PPM1A: variants seen among roughly 807,000 people sequenced by gnomAD.
The protein encoded by PPM1A is protein phosphatase, Mg2+/Mn2+ dependent 1A.
PPM1A carries 7 observed loss-of-function variants against 35.0 expected under a neutral mutation model. The observed-to-expected ratio is 0.20, with a 90% CI of 0.11 to 0.38. The LOEUF (loss-of-function observed/expected upper bound fraction) is 0.38, where lower values mean the gene tolerates loss of function less well. Among genes scored for constraint, PPM1A ranks in the 10% least tolerant of loss-of-function variants. The pLI is 1.00. For missense variants in PPM1A, 239 were observed against 467.8 expected, an observed-to-expected ratio of 0.51 and a Z score of 4.51; for synonymous variants, 153 against 167.3, an observed-to-expected ratio of 0.91 and a Z score of 0.66.
At chr14:60,274,504 G>T (rs908761899) in intron 1 of PPM1A, among the ~76,000 whole-genome samples, 12 of 151,650 alleles carry the variant, frequency 7.9e-5, no homozygotes, top group African/African-American at 2.7e-4. Context: ...TGATAAAAAG[G>T]AGAAAAAGGA....
At chr14:60,251,476 T>C (rs1882408791) in intron 1 of PPM1A, among the ~76,000 whole-genome samples, 1 of 152,246 alleles carries the variant, frequency 6.6e-6, no homozygotes, top group East Asian at 1.9e-4. Context: ...ACAAGGATTG[T>C]TTAGTCATGG....
upstream of PPM1A, chr14:60,249,137 G>A (rs1882001226): frequency 1.3e-6 from 1 of 758,950 alleles, no homozygotes. This position sits in a 1 kb window ranked among gnomAD's most constrained non-coding sequence, Gnocchi z 4.5. Context: ...CAGCTGTAGC[G>A]GCGGCGGAGC....
intron 1 of PPM1A, among the ~76,000 whole-genome samples, chr14:60,279,655 T>C (rs1886164069): frequency 6.6e-6 from 1 of 152,210 alleles, no homozygotes; most frequent in South Asian, 2.1e-4. Context: ...ATCGGCACTC[T>C]AGGGGAGTTC....
At chr14:60,269,333 T>G (rs1332624410) in intron 1 of PPM1A, among the ~76,000 whole-genome samples, 1 of 152,210 alleles carries the variant, frequency 6.6e-6, no homozygotes, top group Admixed American at 6.5e-5. Context: ...GAAACATGGA[T>G]AACACTACTT....
intron 1 of PPM1A, among the ~76,000 whole-genome samples, chr14:60,258,144 G>C (rs572756105): frequency 1.3e-5 from 2 of 152,010 alleles, no homozygotes; most frequent in Non-Finnish European, 2.9e-5. Flanking sequence ...CAGCCATCTA[G>C]TGTGATCTTT....
At chr14:60,284,722 CATATAT>C (rs752315572) in intron 2 of PPM1A, among the ~76,000 whole-genome samples, 1,331 of 112,422 alleles carry the variant, frequency 0.012, 9 homozygotes, top group Non-Finnish European at 0.02. Context: ...TATATATATA[CATATAT>C]ATATATATAA....
At chr14:60,286,951 A>G in intron 3 of PPM1A, 1 of 888,366 alleles carries the variant, frequency 1.1e-6, no homozygotes, top group Non-Finnish European at 1.3e-6. Context: ...ATTTATAGGT[A>G]TAGTACAATT....
At position 60,260,316 on chromosome 14, in the gene PPM1A, T is replaced by C. The variant is rs138528979; in HGVS notation, c.-21+10639T>C. The stretch of plus-strand genomic sequence containing the variant: ...GGAGGAGGGTAAGTAAATATTTAAC[T>C]GAAAAAGTGAAGTAAATATTTATTT... On this transcript the variant is annotated intron_variant, in intron 1 of 5. Transcript: ENST00000395076. Among the ~76,000 whole-genome samples the C allele has an allele frequency of 4.4e-3, 666 of 152,130 alleles. 3 individuals carry two copies. Among genetic ancestry groups the C allele is most frequent in the African/African-American group, 0.016 (644 of 41,534 alleles).
Position 60,283,477 on chromosome 14 carries a change from T to C in PPM1A, c.774T>C (p.Leu258=). 1 of 1,613,940 alleles carries C rather than the reference T, an allele frequency of 6.2e-7. No individual in the cohort carries two copies. Among genetic ancestry groups the C allele is most frequent in the Non-Finnish European group, 8.5e-7 (1 of 1,180,026 alleles). Residue 258 remains leucine (L), a synonymous_variant, in exon 2 of 6, where the codon CTT becomes CTC. Coordinates refer to ENST00000395076, the MANE Select transcript of PPM1A (RefSeq NM_021003.5). This position sits in a 1 kb window ranked among gnomAD's most constrained non-coding sequence, Gnocchi z 6.3. ...EELCDFVRSR[L]EVTDDLEKVC... ...TCTGTGATTTTGTAAGATCCAGACT[T>C]GAAGTCACTGATGACCTTGAGAAAG...
intron 1 of PPM1A, among the ~76,000 whole-genome samples, chr14:60,251,882 T>C (rs1882469516): frequency 6.6e-6 from 1 of 151,832 alleles, no homozygotes; most frequent in Non-Finnish European, 1.5e-5. Context: ...CAAAGGGTGG[T>C]TGAGACTACA....
At chr14:60,281,024 T>A (rs1886350397) in intron 1 of PPM1A, among the ~76,000 whole-genome samples, 1 of 152,178 alleles carries the variant, frequency 6.6e-6, no homozygotes, top group Non-Finnish European at 1.5e-5. Context: ...CATCTATAAA[T>A]TGGAGATAAT....
intron 1 of PPM1A, among the ~76,000 whole-genome samples, chr14:60,280,370 A>G (rs550379976): frequency 1.3e-5 from 2 of 152,328 alleles, no homozygotes; most frequent in African/African-American, 2.4e-5. Context: ...TAGTCACACT[A>G]TTACTAAGTA....
intron 4 of PPM1A, among the ~76,000 whole-genome samples, chr14:60,290,716 T>C (rs1887541410): frequency 6.6e-6 from 1 of 152,140 alleles, no homozygotes; most frequent in Non-Finnish European, 1.5e-5. Flanking sequence ...AGTGTGACCA[T>C]GTTCTTTGTA....
intron 1 of PPM1A, among the ~76,000 whole-genome samples, chr14:60,266,882 C>T (rs1367172914): frequency 1.3e-5 from 2 of 151,926 alleles, no homozygotes; most frequent in Non-Finnish European, 2.9e-5. Context: ...GGAGGATAAC[C>T]ATCTTCACAA....
intron 1 of PPM1A, among the ~76,000 whole-genome samples, chr14:60,279,764 T>C (rs1886174544): frequency 6.6e-6 from 1 of 152,216 alleles, no homozygotes; most frequent in Non-Finnish European, 1.5e-5. Flanking sequence ...ATGAAGTGTT[T>C]AAAGTGTCTT....
chr14:60,250,377 T>A, intron 1 of PPM1A: 1 of 974,326 alleles, frequency 1.0e-6, no homozygotes, highest in Non-Finnish European at 1.2e-6. Context: ...GTTCTGCTTG[T>A]AGATTTTAAA....
At chr14:60,278,063 T>C (rs1314691728) in intron 1 of PPM1A, among the ~76,000 whole-genome samples, 1 of 152,184 alleles carries the variant, frequency 6.6e-6, no homozygotes, top group Non-Finnish European at 1.5e-5. Context: ...GGTGTGAAGA[T>C]TAAAGAAGTT....
In PPM1A at chr14:60,291,541, C is replaced by T. The variant is rs146995386; in HGVS notation, c.1119+87C>T. 1.3e-4 allele frequency: 143 copies of T among 1,105,946 alleles called. 1 individual carries two copies. In the East Asian group the frequency reaches 3.5e-3, roughly 27 times the overall value. 68.5% of individuals were successfully genotyped at this position (1,105,946 alleles called of 1,614,324 possible). On this transcript the variant is annotated intron_variant, in intron 5 of 5. Coordinates refer to ENST00000395076, the MANE Select transcript of PPM1A (RefSeq NM_021003.5). ...CTACCTGTTTTTGCAGAGCTGTTCA[C>T]TGTACCCATTCTCTTACACACACCC... is the stretch of plus-strand genomic sequence containing the variant.
chr14:60,280,340 A>G (rs557468267), intron 1 of PPM1A, among the ~76,000 whole-genome samples: 53 of 152,280 alleles, frequency 3.5e-4, no homozygotes, highest in Middle Eastern at 3.4e-3. Flanking sequence ...AGATGGAGAA[A>G]GAGATTCGGA....
Sources: gnomAD v4.1 joint callset for allele counts (sites outside exome capture counted in the v4.1 genomes callset) on GRCh38, gnomAD v4.1.1 for gene constraint, Gnocchi (gnomAD v3.1) non-coding constraint, MANE v1.5 for transcripts, NCBI Gene and HGNC (gene_info 2026-07-23, HGNC 2026-07-21) for gene names.